The following LINGO2 variants were observed in gnomAD, a reference collection of about 807,000 sequenced individuals.
LINGO2 encodes leucine-rich repeat and immunoglobulin-like domain-containing nogo receptor-interacting protein 2.
LINGO2 carries 14 observed loss-of-function variants against 30.6 expected under a neutral mutation model. The ratio of observed to expected loss-of-function variants is 0.46; its 90% CI spans 0.30 to 0.72. The LOEUF (loss-of-function observed/expected upper bound fraction) is 0.72. LINGO2 is among the 30% of genes least tolerant of loss of function. The pLI is 0.07. For missense variants in LINGO2, 729 were observed against 751.7 expected (o/e 0.97, Z 0.35); for synonymous variants, 317 against 288.5 (o/e 1.10, Z -1.00).
the LINGO2 span, among the ~76,000 whole-genome samples, chr9:28,919,923 A>G: frequency 1.6e-4 from 25 of 152,306 alleles, no homozygotes; most frequent in South Asian, 4.8e-3. Flanking sequence ...TGCTTTCCTC[A>G]TTTAATTTAA....
At chr9:28,963,645 C>A in the LINGO2 span, among the ~76,000 whole-genome samples, 1 of 151,238 alleles carries the variant, frequency 6.6e-6, no homozygotes, top group Non-Finnish European at 1.5e-5. Context: ...GATGCAAATG[C>A]AGGTCATTAT....
the LINGO2 span, among the ~76,000 whole-genome samples, chr9:28,775,599 T>C: frequency 6.6e-6 from 1 of 152,180 alleles, no homozygotes; most frequent in Non-Finnish European, 1.5e-5. Flanking sequence ...CACTGGACTA[T>C]GGGGCCTTAA....
the LINGO2 span, among the ~76,000 whole-genome samples, chr9:28,995,199 T>A: frequency 3.3e-5 from 5 of 151,970 alleles, no homozygotes; most frequent in East Asian, 1.9e-4. Flanking sequence ...CCCATCAAAA[T>A]CTGGGTGAAG....
chr9:28,104,740 T>A (rs1826531701), intron 4 of LINGO2, among the ~76,000 whole-genome samples: 1 of 152,182 alleles, frequency 6.6e-6, no homozygotes, highest in Non-Finnish European at 1.5e-5. Flanking sequence ...CGATTCTCCC[T>A]TGTTAACACT....
the LINGO2 span, among the ~76,000 whole-genome samples, chr9:29,030,119 T>G: frequency 6.6e-6 from 1 of 152,132 alleles, no homozygotes; most frequent in African/African-American, 2.4e-5. Flanking sequence ...TTCTTATGTA[T>G]TGAATTGAGT....
intron 4 of LINGO2, among the ~76,000 whole-genome samples, chr9:28,078,572 C>T (rs894617916): frequency 2.0e-5 from 3 of 148,446 alleles, no homozygotes; most frequent in South Asian, 2.1e-4. Flanking sequence ...TAGACTCTGC[C>T]GGGCGTGGTG....
the LINGO2 span, among the ~76,000 whole-genome samples, chr9:28,968,939 A>G: frequency 6.6e-6 from 1 of 152,202 alleles, no homozygotes; most frequent in East Asian, 1.9e-4. Flanking sequence ...TCCCAAAGGA[A>G]CATAGTGATT....
chr9:28,407,452 T>C (rs922888988), intron 2 of LINGO2, among the ~76,000 whole-genome samples: 6 of 152,156 alleles, frequency 3.9e-5, no homozygotes, highest in Non-Finnish European at 7.4e-5. Context: ...GGCAAATGAT[T>C]ACACAGAATT....
At chr9:28,892,775 C>T in the LINGO2 span, among the ~76,000 whole-genome samples, 10 of 151,956 alleles carry the variant, frequency 6.6e-5, no homozygotes, top group Non-Finnish European at 2.9e-5. Context: ...TTACACAATA[C>T]TGTTCCTTAA....
At chr9:29,003,249 C>T in the LINGO2 span, among the ~76,000 whole-genome samples, 450 of 152,122 alleles carry the variant, frequency 3.0e-3, 3 homozygotes, top group Admixed American at 4.3e-3. Context: ...GTTTGTGGTA[C>T]TTTGTTACAG....
chr9:28,692,909 C>T, the LINGO2 span, among the ~76,000 whole-genome samples: 3 of 151,944 alleles, frequency 2.0e-5, no homozygotes, highest in Non-Finnish European at 4.4e-5. Flanking sequence ...ATCTTTTCTA[C>T]AACATTGTAG....
chr9:28,830,246 A>C, the LINGO2 span, among the ~76,000 whole-genome samples: 1 of 152,122 alleles, frequency 6.6e-6, no homozygotes, highest in Non-Finnish European at 1.5e-5. Flanking sequence ...TGATGGAAAG[A>C]CTGGGGAGGG....
At chr9:28,952,254 A>T in the LINGO2 span, among the ~76,000 whole-genome samples, 1 of 152,142 alleles carries the variant, frequency 6.6e-6, no homozygotes, top group Non-Finnish European at 1.5e-5. Context: ...TTCAATATCT[A>T]TCTATCTAAA....
At chr9:28,237,495 A>C (rs1300211822) in intron 4 of LINGO2, among the ~76,000 whole-genome samples, 1 of 152,136 alleles carries the variant, frequency 6.6e-6, no homozygotes. Flanking sequence ...CTCCAATCAA[A>C]AAAGATAGAT....
At chr9:28,447,367 G>C (rs1299238522) in intron 2 of LINGO2, among the ~76,000 whole-genome samples, 1 of 152,182 alleles carries the variant, frequency 6.6e-6, no homozygotes, top group African/African-American at 2.4e-5. Flanking sequence ...TCCACCATGT[G>C]AGGACACAAC....
chr9:28,953,048 C>T, the LINGO2 span, among the ~76,000 whole-genome samples: 1 of 152,150 alleles, frequency 6.6e-6, no homozygotes, highest in Non-Finnish European at 1.5e-5. Context: ...CCAGCATCAA[C>T]ATGGGATAAA....
chr9:29,002,251 A>C, the LINGO2 span, among the ~76,000 whole-genome samples: 1 of 151,976 alleles, frequency 6.6e-6, no homozygotes, highest in Non-Finnish European at 1.5e-5. Context: ...TCTCTATTGT[A>C]TCCCTTGATT....
At chr9:28,176,311 T>C (rs1466751774) in intron 4 of LINGO2, among the ~76,000 whole-genome samples, 2 of 152,186 alleles carry the variant, frequency 1.3e-5, no homozygotes, top group Non-Finnish European at 2.9e-5. Flanking sequence ...GTTCAATATA[T>C]CATTCCCACC....
intron 5 of LINGO2, among the ~76,000 whole-genome samples, chr9:27,989,346 A>G (rs1367216501): frequency 1.3e-5 from 2 of 151,912 alleles, no homozygotes; most frequent in Non-Finnish European, 2.9e-5. Context: ...TATAAGATAC[A>G]TTCAGATGGG....
Sources: gnomAD v4.1 joint callset for allele counts (sites outside exome capture counted in the v4.1 genomes callset) on GRCh38, gnomAD v4.1.1 for gene constraint, MANE v1.5 for transcripts, NCBI Gene and HGNC (gene_info 2026-07-23, HGNC 2026-07-21) for gene names.